Variants in ADGRG7 observed in about 807,000 individuals in gnomAD.
The protein encoded by ADGRG7 is adhesion G protein-coupled receptor G7.
In ADGRG7, 82 loss-of-function variants were observed where a neutral mutation model predicts 88.6. That is an observed-to-expected ratio of 0.93 (90% confidence interval 0.77 to 1.11). ADGRG7 has a LOEUF of 1.11. Among genes scored for constraint, ADGRG7 ranks in the 50% most tolerant of loss-of-function variants. The pLI is 0.00. For synonymous variants in ADGRG7, 381 were observed against 345.2 expected, an observed-to-expected ratio of 1.10 and a Z score of -1.15; for missense variants, 945 against 953.4, an observed-to-expected ratio of 0.99 and a Z score of 0.12.
In ADGRG7 at chr3:100,695,324, A is replaced by G. The variant is rs2095000616; in HGVS notation, c.*323A>G. ...AACAAATTCTTTTACAAGTTACTAT[A>G]AAGGACACAAAGAGAAAACTTTACC... On this transcript the variant is annotated 3_prime_UTR_variant, in exon 16 of 16. Coordinates refer to ENST00000273352, the MANE Select transcript of ADGRG7 (RefSeq NM_032787.3). 4.4e-6 allele frequency: 1 copy of G among 225,214 alleles called. No individual in the cohort carries two copies. Among genetic ancestry groups the G allele is most frequent in the East Asian group, 1.1e-4 (1 of 8,902 alleles). The allele number at this position is 225,214 out of a possible 1,614,324, so 14.0% of individuals were successfully genotyped here. A position where few individuals can be genotyped will look rare whatever the true frequency, so the allele number is the denominator to read the frequency against.
At chr3:100,679,868 T>C (rs1008354679) in intron 15 of ADGRG7, among the ~76,000 whole-genome samples, 1 of 152,226 alleles carries the variant, frequency 6.6e-6, no homozygotes, top group Non-Finnish European at 1.5e-5. Flanking sequence ...CTGAAGGTTT[T>C]CTTTCAATTC....
intron 4 of ADGRG7, 135 bp from the exon 5 acceptor site, chr3:100,635,542 G>A (rs575076675): frequency 7.8e-5 from 114 of 1,467,358 alleles, no homozygotes; most frequent in Non-Finnish European, 9.6e-5. Flanking sequence ...GGATGCAAAC[G>A]TGGAAAACTG....
intron 15 of ADGRG7, among the ~76,000 whole-genome samples, chr3:100,669,845 A>G (rs1452431035): frequency 1.3e-5 from 2 of 151,910 alleles, no homozygotes; most frequent in Admixed American, 6.6e-5. Flanking sequence ...AGACCAGTCT[A>G]GCCAACATGG....
At chr3:100,652,757 A>G (rs958776356) in intron 11 of ADGRG7, among the ~76,000 whole-genome samples, 37 of 152,190 alleles carry the variant, frequency 2.4e-4, no homozygotes, top group African/African-American at 7.5e-4. Flanking sequence ...ACATACACAC[A>G]CACCACACCA....
At chr3:100,682,975 T>C (rs573537359) in intron 15 of ADGRG7, among the ~76,000 whole-genome samples, 1 of 151,758 alleles carries the variant, frequency 6.6e-6, no homozygotes, top group East Asian at 2.0e-4. Context: ...AGGGGGAGGG[T>C]CCGTGGTGAA....
intron 15 of ADGRG7, among the ~76,000 whole-genome samples, chr3:100,692,255 A>C (rs2149045062): frequency 6.6e-6 from 1 of 152,332 alleles, no homozygotes; most frequent in South Asian, 2.1e-4. Flanking sequence ...TTTTAGGATT[A>C]ATTCCCTTAG....
rs574733263 is a variant in ADGRG7 at position 100,685,937 on chromosome 3, G to A, written c.2137-8807G>A. On this transcript the variant is annotated intron_variant, in intron 15 of 15. Coordinates refer to ENST00000273352, the MANE Select transcript of ADGRG7 (RefSeq NM_032787.3). Reference sequence around the variant, plus strand: ...ATGGTATTTCTAGTTCTAGATCCCTGAGGAATCGCCACACTGACTTCCACA... The same window carrying A: ...ATGGTATTTCTAGTTCTAGATCCCTAAGGAATCGCCACACTGACTTCCACA... Among the ~76,000 whole-genome samples, 1,053 of 151,456 alleles carry A rather than the reference G, an allele frequency of 7.0e-3. 16 individuals are homozygous for A. The highest frequency in any genetic ancestry group is 0.024 in the African/African-American group (1,000 of 41,404).
chr3:100,668,121 C>T (rs529536628), intron 14 of ADGRG7, among the ~76,000 whole-genome samples: 15 of 152,204 alleles, frequency 9.9e-5, no homozygotes, highest in Non-Finnish European at 2.1e-4. Flanking sequence ...CACCCACTGT[C>T]CAATCAGTCC....
At chr3:100,674,165 C>T (rs2094962042) in intron 15 of ADGRG7, among the ~76,000 whole-genome samples, 1 of 152,058 alleles carries the variant, frequency 6.6e-6, no homozygotes, top group South Asian at 2.1e-4. Flanking sequence ...GTTTTTATGC[C>T]AGTACTATGC....
At chr3:100,671,688 G>A (rs1212215080) in intron 15 of ADGRG7, among the ~76,000 whole-genome samples, 1 of 152,142 alleles carries the variant, frequency 6.6e-6, no homozygotes, top group Non-Finnish European at 1.5e-5. Flanking sequence ...TATGGTTTTA[G>A]GTCTTACATT....
intron 1 of ADGRG7, among the ~76,000 whole-genome samples, chr3:100,621,455 T>C (rs1284003152): frequency 2.0e-5 from 3 of 152,212 alleles, no homozygotes; most frequent in African/African-American, 7.2e-5. Context: ...TTTGCTGATA[T>C]GGAGAAAATT....
At chr3:100,621,385 A>C (rs771463997) in intron 1 of ADGRG7, among the ~76,000 whole-genome samples, 25 of 152,224 alleles carry the variant, frequency 1.6e-4, no homozygotes, top group Non-Finnish European at 2.9e-4. Flanking sequence ...AAAGTTATTC[A>C]AGGAAATTAA....
intron 15 of ADGRG7, among the ~76,000 whole-genome samples, chr3:100,677,037 C>A (rs2094966353): frequency 6.6e-6 from 1 of 151,960 alleles, no homozygotes; most frequent in Admixed American, 6.6e-5. Flanking sequence ...TTTTTTCCTT[C>A]ATTCAGCCAC....
At position 100,609,949 on chromosome 3, in the gene ADGRG7, G is replaced by C. The variant is rs751806868; in HGVS notation, c.93G>C (p.Arg31Ser). 3.1e-6 allele frequency: 5 copies of C among 1,613,506 alleles called. No individual in the cohort carries two copies. The highest frequency in any genetic ancestry group is 4.2e-6 in the Non-Finnish European group (5 of 1,179,552). The change falls in exon 1 of 16, where the codon AGG becomes AGC. Residue 31 changes from arginine (R) to serine (S), a missense_variant. Coordinates refer to ENST00000273352, the MANE Select transcript of ADGRG7 (RefSeq NM_032787.3). Reference sequence around the variant, plus strand: ...TCATTTTGGGACTGGGCATCTGGAGGATTGTGATCAGGATCCAAAGAGGTA... The same window carrying C: ...TCATTTTGGGACTGGGCATCTGGAGCATTGTGATCAGGATCCAAAGAGGTA... ...TGIILGLGIW[R>S]IVIRIQRGKS...
chr3:100,617,000 T>C (rs1452177277), intron 1 of ADGRG7, among the ~76,000 whole-genome samples: 2 of 152,134 alleles, frequency 1.3e-5, no homozygotes, highest in South Asian at 2.1e-4. Flanking sequence ...CTATGAGACA[T>C]TTCAGAAGAG....
At chr3:100,644,410 C>T (rs972151452) in intron 8 of ADGRG7, among the ~76,000 whole-genome samples, 3 of 152,142 alleles carry the variant, frequency 2.0e-5, no homozygotes, top group Non-Finnish European at 4.4e-5. Context: ...CTTCTATCTT[C>T]TTGTGCATTT....
At chr3:100,623,803 T>C (rs981384819) in intron 1 of ADGRG7, among the ~76,000 whole-genome samples, 6 of 152,184 alleles carry the variant, frequency 3.9e-5, no homozygotes, top group African/African-American at 1.4e-4. Flanking sequence ...ATGCGGTGTT[T>C]GGTTTTCTGT....
intron 14 of ADGRG7, among the ~76,000 whole-genome samples, chr3:100,661,066 G>A (rs771659424): frequency 2.6e-5 from 4 of 151,984 alleles, no homozygotes; most frequent in East Asian, 1.9e-4. Flanking sequence ...GTTCCCATCC[G>A]TACTGCTTCT....
At position 100,654,902 on chromosome 3, in the gene ADGRG7, C is replaced by T. The variant is rs2094935381; in HGVS notation, c.1447C>T (p.Leu483Phe). The change falls in exon 12 of 16, where the codon CTC becomes TTC. Residue 483 changes from leucine (L) to phenylalanine (F), a missense_variant. Leu to Phe is a conservative substitution (Grantham distance 22). Coordinates refer to ENST00000273352, the MANE Select transcript of ADGRG7 (RefSeq NM_032787.3). ...GTGCATATCAATGTTGATTTTCAAC[C>T]TCCTCTTTGTGTTTGGAATTGAAAA... is the stretch of plus-strand genomic sequence containing the variant. ...NLCISMLIFN[L>F]LFVFGIENSN... 1 of 1,613,814 alleles carries T rather than the reference C, an allele frequency of 6.2e-7. No individual in the cohort carries two copies. The highest frequency in any genetic ancestry group is 1.7e-5 in the Admixed American group (1 of 59,994).
Sources: allele counts gnomAD v4.1 joint callset (sites outside exome capture counted in the v4.1 genomes callset), GRCh38; gene constraint gnomAD v4.1.1; transcripts MANE v1.5; gene names NCBI Gene and HGNC (gene_info 2026-07-23, HGNC 2026-07-21).